Variants in DZIP1 observed in about 807,000 individuals in gnomAD.
The protein encoded by DZIP1 is DAZ interacting zinc finger protein 1, also known as cilium assembly protein DZIP1.
In DZIP1, 97 loss-of-function variants were observed where a neutral mutation model predicts 107.6. The ratio of observed to expected loss-of-function variants is 0.90; its 90% CI spans 0.77 to 1.07. The LOEUF is 1.07. Among genes scored for constraint, DZIP1 ranks in the 50% least tolerant of loss-of-function variants. The probability of loss-of-function intolerance (pLI) is 0.00; values close to 1 mark genes in which losing one functional copy is unlikely to be tolerated. For synonymous variants in DZIP1, 390 were observed against 386.4 expected, an observed-to-expected ratio of 1.01 and a Z score of -0.11; for missense variants, 1,035 against 1,063.6, an observed-to-expected ratio of 0.97 and a Z score of 0.37.
intron 10 of DZIP1, chr13:95,618,055 C>T (rs1163672216): frequency 1.9e-6 from 1 of 518,296 alleles, no homozygotes; most frequent in Admixed American, 1.9e-5. Flanking sequence ...GAGCTGGCTA[C>T]CTGATCTGGA....
chr13:95,633,359 C>T lies in DZIP1; in HGVS notation c.598-38G>A, dbSNP rs141588136. On this transcript the variant is annotated intron_variant, in intron 5 of 22. Coordinates refer to ENST00000376829, the MANE Select transcript of DZIP1 (RefSeq NM_198968.4). ...GAGCAACAAATCCAAGTGTCTGTAACGACTGTCGTCCCACTTAATTGCAAT... is the reference window on the plus strand; with the variant it reads ...GAGCAACAAATCCAAGTGTCTGTAATGACTGTCGTCCCACTTAATTGCAAT... The T allele has an allele frequency of 8.8e-4, 1,375 of 1,557,060 alleles. 7 individuals are homozygous for T. The African/African-American group carries it at 0.015, about 17-fold the overall frequency.
At chr13:95,623,309 C>T (rs1010612399) in intron 8 of DZIP1, among the ~76,000 whole-genome samples, 3 of 152,194 alleles carry the variant, frequency 2.0e-5, no homozygotes, top group Non-Finnish European at 2.9e-5. Flanking sequence ...CACGTCTCCT[C>T]TCCTCAGTGT....
intron 7 of DZIP1, among the ~76,000 whole-genome samples, chr13:95,627,530 A>C (rs1197351768): frequency 6.6e-6 from 1 of 152,260 alleles, no homozygotes; most frequent in Non-Finnish European, 1.5e-5. Flanking sequence ...ATAAACATGA[A>C]GAGATGTTCA....
rs2044547697 is a variant in DZIP1, at chr13:95,599,350, C to G, written c.1537+15G>C. ...TATAATCTGTGCAGGTAAACCTGATCAAGCCCTTTGTTACCTTTTTCTTCC... is the reference window on the plus strand; with the variant it reads ...TATAATCTGTGCAGGTAAACCTGATGAAGCCCTTTGTTACCTTTTTCTTCC... On this transcript the variant is annotated intron_variant, in intron 15 of 22. Transcript: ENST00000376829. 1.2e-6 allele frequency: 2 copies of G among 1,611,508 alleles called. No individual in the cohort carries two copies. Among genetic ancestry groups the G allele is most frequent in the African/African-American group, 2.7e-5 (2 of 74,856 alleles).
At position 95,641,202 on chromosome 13, in the gene DZIP1, T is replaced by A; in HGVS notation, c.597+93A>T. ...TCTTCTGATATACAATATAAATCTT[T>A]AAGAAGAAAGAGTGGTGATACGGGA... On this transcript the variant is annotated intron_variant, in intron 5 of 22. Transcript: ENST00000376829. The surrounding 1 kb of genome is among the most constrained non-coding windows in gnomAD (Gnocchi z 4.3). 1 of 1,486,974 alleles carries A rather than the reference T, an allele frequency of 6.7e-7. No individual in the cohort carries two copies. The allele number at this position is 1,486,974 out of a possible 1,614,324, so 92.1% of individuals were successfully genotyped here. A position where few individuals can be genotyped will look rare whatever the true frequency, so the allele number is the denominator to read the frequency against.
chr13:95,600,575 AGATAGATAGATAGAT>A (rs2044585034), intron 14 of DZIP1, among the ~76,000 whole-genome samples: 3 of 127,350 alleles, frequency 2.4e-5, no homozygotes, highest in Non-Finnish European at 5.5e-5. Flanking sequence ...GAGATGATAG[AGATAGATAGATAGAT>A]GATAGATAGA....
intron 14 of DZIP1, among the ~76,000 whole-genome samples, chr13:95,603,942 T>G (rs185636319): frequency 6.6e-6 from 1 of 152,202 alleles, no homozygotes; most frequent in Admixed American, 6.5e-5. Flanking sequence ...CAGGCTGCTT[T>G]AGCTCACCCT....
chr13:95,609,765 G>C (rs1451099693), intron 12 of DZIP1, among the ~76,000 whole-genome samples: 1 of 152,102 alleles, frequency 6.6e-6, no homozygotes, highest in Non-Finnish European at 1.5e-5. Flanking sequence ...CTGAGCTCTT[G>C]TTATTTGAAG....
At chr13:95,609,083 C>T (rs1418673288) in intron 13 of DZIP1, among the ~76,000 whole-genome samples, 1 of 152,210 alleles carries the variant, frequency 6.6e-6, no homozygotes, top group East Asian at 1.9e-4. Flanking sequence ...CCTGTCAAAG[C>T]CTGCAGCAGT....
Position 95,642,128 on chromosome 13 carries a change from C to G in DZIP1, c.-99G>C. 1 of 1,385,024 alleles carries G rather than the reference C, an allele frequency of 7.2e-7. No homozygotes were observed. The highest frequency in any genetic ancestry group is 9.4e-7 in the Non-Finnish European group (1 of 1,064,698). The allele number at this position is 1,385,024 out of a possible 1,614,324, so 85.8% of individuals were successfully genotyped here. ...GAGAAGGCCGGGTTCCTCGCTTCCG[C>G]GGCGGCGGCGGCCTAAGGTCTGGGC... On this transcript the variant is annotated 5_prime_UTR_variant, in exon 4 of 23. Transcript: ENST00000376829.
chr13:95,630,875 T>C, intron 6 of DZIP1: 1 of 514,728 alleles, frequency 1.9e-6, no homozygotes, highest in Non-Finnish European at 3.4e-6. Context: ...TGAGTTAGAA[T>C]AAGATACTGA....
At chr13:95,637,974 G>A (rs1015017316) in intron 5 of DZIP1, among the ~76,000 whole-genome samples, 2 of 151,756 alleles carry the variant, frequency 1.3e-5, no homozygotes, top group South Asian at 4.2e-4. Context: ...TAGTCAAACA[G>A]ATTTTCTCTG....
At position 95,635,272 on chromosome 13, in the gene DZIP1, C is replaced by T. The variant is rs1048417048; in HGVS notation, c.598-1951G>A. Among the ~76,000 whole-genome samples, 3 of 149,904 alleles carry T rather than the reference C, an allele frequency of 2.0e-5. No individual in the cohort carries two copies. In the Admixed American group the frequency reaches 2.0e-4, roughly 10 times the overall value. ...AGTACAGTGGCGTAATCATGGCTCA[C>T]TGCAGCTTTAACCTCCCAGGTTCAA... is the stretch of plus-strand genomic sequence containing the variant. On this transcript the variant is annotated intron_variant, in intron 5 of 22. Coordinates refer to ENST00000376829, the MANE Select transcript of DZIP1 (RefSeq NM_198968.4).
chr13:95,602,438 T>G (rs2044643922), intron 14 of DZIP1, among the ~76,000 whole-genome samples: 1 of 152,204 alleles, frequency 6.6e-6, no homozygotes, highest in Non-Finnish European at 1.5e-5. Context: ...ACCATAATTA[T>G]AAGCATGTGG....
At chr13:95,582,858 T>C (rs1405419975) in intron 22 of DZIP1, among the ~76,000 whole-genome samples, 1 of 152,164 alleles carries the variant, frequency 6.6e-6, no homozygotes, top group Non-Finnish European at 1.5e-5. Context: ...GGCACAGGTT[T>C]ATGATGTTGG....
chr13:95,612,772 G>A (rs1384326221), intron 10 of DZIP1, among the ~76,000 whole-genome samples: 2 of 151,998 alleles, frequency 1.3e-5, no homozygotes, highest in African/African-American at 4.8e-5. Flanking sequence ...TTTAGTAGAG[G>A]CGGGGTTTCA....
rs2045008191 is a variant in DZIP1, at chr13:95,611,585, A to AACCTTTTC, written c.1315-100_1315-93dup. On this transcript the variant is annotated intron_variant, in intron 11 of 22. Transcript: ENST00000376829. ...GGACAGATAATGTTGTTAGTAAATT[A>AACCTTTTC]ACCTTTTCACTAAATTATCCAGGGA... 2.1e-5 allele frequency: 23 copies of AACCTTTTC among 1,085,126 alleles called. 1 individual carries two copies. The South Asian group carries it at 3.1e-4, about 15-fold the overall frequency. The allele number at this position is 1,085,126 out of a possible 1,614,324, so 67.2% of individuals were successfully genotyped here.
intron 10 of DZIP1, among the ~76,000 whole-genome samples, chr13:95,614,082 A>G (rs528448540): frequency 6.6e-6 from 1 of 151,124 alleles, no homozygotes; most frequent in Non-Finnish European, 1.5e-5. Context: ...GCTATGCTCA[A>G]GCCACTGCAC....
chr13:95,622,198 C>T (rs1875952489), intron 9 of DZIP1, 145 bp downstream of exon 9: 1 of 969,678 alleles, frequency 1.0e-6, no homozygotes, highest in Non-Finnish European at 1.5e-6. Context: ...ATGATTTAGG[C>T]ATGCTGTAGG....
Sources: gnomAD v4.1 joint callset for allele counts (sites outside exome capture counted in the v4.1 genomes callset) on GRCh38, gnomAD v4.1.1 for gene constraint, Gnocchi (gnomAD v3.1) non-coding constraint, MANE v1.5 for transcripts, NCBI Gene and HGNC (gene_info 2026-07-23, HGNC 2026-07-21) for gene names.